The following PDZD2 variants were observed in gnomAD, a reference collection of about 807,000 sequenced individuals.
The protein encoded by PDZD2 is PDZ domain-containing protein 2.
PDZD2 carries 90 observed loss-of-function variants against 220.7 expected under a neutral mutation model. The ratio of observed to expected loss-of-function variants is 0.41; its 90% confidence interval spans 0.34 to 0.49. PDZD2 has a LOEUF of 0.49. PDZD2 is among the 20% of genes least tolerant of loss of function. The pLI, the probability that PDZD2 is intolerant of heterozygous loss-of-function variation, is 0.28. For synonymous variants in PDZD2, 1,375 were observed against 1,450.5 expected (o/e 0.95, Z 1.18); for missense variants, 3,174 against 3,608.5 (o/e 0.88, Z 3.08).
intron 1 of PDZD2, among the ~76,000 whole-genome samples, chr5:31,702,159 T>C (rs1391838178): frequency 6.6e-6 from 1 of 152,222 alleles, no homozygotes; most frequent in African/African-American, 2.4e-5. Flanking sequence ...GGCAGCACTC[T>C]TGGGAGTAGA....
Position 31,864,368 on chromosome 5 carries a change from C to T in PDZD2, c.476+64644C>T, listed in dbSNP as rs142234392. On this transcript the variant is annotated intron_variant, in intron 2 of 24. Transcript: ENST00000438447. ...CTCTGTAAACAGTCCCTGCCTAAAACAGTCTCCAGCGAAACCTTTTTTAGT... is the reference window on the plus strand; with the variant it reads ...CTCTGTAAACAGTCCCTGCCTAAAATAGTCTCCAGCGAAACCTTTTTTAGT... Among the ~76,000 whole-genome samples, 659 of 152,322 alleles carry T rather than the reference C, an allele frequency of 4.3e-3. 5 individuals are homozygous for T. The highest frequency in any genetic ancestry group is 0.015 in the African/African-American group (610 of 41,574).
At chr5:31,754,258 GCACCCC>G (rs1751179882) in intron 1 of PDZD2, 1 of 152,394 alleles carries the variant, frequency 6.6e-6, no homozygotes, top group East Asian at 1.9e-4. Flanking sequence ...AGGGACCTGT[GCACCCC>G]CACCCCATCC....
intron 7 of PDZD2, among the ~76,000 whole-genome samples, chr5:32,041,109 C>T (rs78063808): frequency 4.2e-5 from 6 of 142,178 alleles, no homozygotes; most frequent in Admixed American, 6.9e-5. Flanking sequence ...AAGCGGGGAG[C>T]GCCTCTGCCC....
At chr5:31,958,088 A>G (rs1271818752) in intron 2 of PDZD2, among the ~76,000 whole-genome samples, 2 of 152,154 alleles carry the variant, frequency 1.3e-5, no homozygotes, top group African/African-American at 4.8e-5. Context: ...CATAACACAT[A>G]GGTAATTTTT....
intron 1 of PDZD2, among the ~76,000 whole-genome samples, chr5:31,770,332 C>A (rs1229797776): frequency 1.3e-5 from 2 of 152,286 alleles, no homozygotes; most frequent in East Asian, 3.9e-4. Context: ...TGCCAGACAA[C>A]GGGAACTGAC....
chr5:31,847,944 T>TA (rs2150292093), intron 2 of PDZD2: 1 of 453,258 alleles, frequency 2.2e-6, no homozygotes, highest in Non-Finnish European at 4.3e-6. Context: ...TCTCAATACA[T>TA]AAAGAACAGC....
chr5:31,864,908 G>T (rs926916062), intron 2 of PDZD2, among the ~76,000 whole-genome samples: 1 of 144,680 alleles, frequency 6.9e-6, no homozygotes, highest in African/African-American at 2.6e-5. Context: ...GTGTGCAGTG[G>T]CGTAATCTCG....
At chr5:31,689,239 T>TTGTGTG (rs70955736) in intron 1 of PDZD2, among the ~76,000 whole-genome samples, 12,974 of 139,652 alleles carry the variant, frequency 0.093, 644 homozygotes, top group East Asian at 0.19. Context: ...TGGCTAATGT[T>TTGTGTG]TGTGTGTGTG....
intron 2 of PDZD2, among the ~76,000 whole-genome samples, chr5:31,838,909 C>A (rs1277614350): frequency 6.6e-6 from 1 of 152,160 alleles, no homozygotes; most frequent in African/African-American, 2.4e-5. Context: ...CATCTGAAGT[C>A]TCTCTAATGG....
intron 4 of PDZD2, 85 bp downstream of exon 4, chr5:31,995,803 C>T: frequency 8.0e-7 from 1 of 1,249,074 alleles, no homozygotes. Flanking sequence ...TGCTCTTCCA[C>T]TTGTTCAAAG....
At position 31,649,937 on chromosome 5, in the gene PDZD2, CAAAAAAAAA is replaced by C. The variant is rs6148975; in HGVS notation, c.-361+10519_-361+10527del. On this transcript the variant is annotated intron_variant, in intron 1 of 24. Transcript: ENST00000438447. ...TGGGCGACAGAGTGAGACTCCGTCTCAAAAAAAAAAAAAAAAAAAAAAAAAAATTAAGTC... is the reference window on the plus strand; with the variant it reads ...TGGGCGACAGAGTGAGACTCCGTCTCAAAAAAAAAAAAAAAAAATTAAGTC... Among the ~76,000 whole-genome samples, 613 of 73,498 alleles carry C rather than the reference CAAAAAAAAA, an allele frequency of 8.3e-3. 8 individuals are homozygous for C. Among genetic ancestry groups the C allele is most frequent in the Non-Finnish European group, 0.012 (494 of 41,544 alleles). 48.2% of individuals were successfully genotyped at this position (73,498 alleles called of 152,430 possible). A position where few individuals can be genotyped will look rare whatever the true frequency, so the allele number is the denominator to read the frequency against.
At chr5:31,752,790 A>G (rs746362261) in intron 1 of PDZD2, among the ~76,000 whole-genome samples, 4 of 151,960 alleles carry the variant, frequency 2.6e-5, no homozygotes, top group Non-Finnish European at 4.4e-5. Flanking sequence ...TTCAAATACT[A>G]TTTCTTAGAT....
At chr5:32,048,501 C>T in intron 7 of PDZD2, 38 bp from the exon 8 acceptor site, 2 of 1,578,368 alleles carry the variant, frequency 1.3e-6, no homozygotes, top group Non-Finnish European at 1.7e-6. Flanking sequence ...TTCTTTTTGT[C>T]CCATATCAAA....
intron 2 of PDZD2, among the ~76,000 whole-genome samples, chr5:31,939,721 C>T (rs1009734893): frequency 1.3e-5 from 2 of 152,216 alleles, no homozygotes; most frequent in Non-Finnish European, 2.9e-5. Context: ...GCCAACTCAT[C>T]TATACAATGT....
chr5:31,709,406 G>C (rs1344233211), intron 1 of PDZD2, among the ~76,000 whole-genome samples: 1 of 151,888 alleles, frequency 6.6e-6, no homozygotes, highest in Non-Finnish European at 1.5e-5. Flanking sequence ...AGGATAGTTT[G>C]AGCCCAGGAG....
intron 8 of PDZD2, 102 bp downstream of exon 8, chr5:32,048,786 G>A (rs1294720519): frequency 3.3e-6 from 4 of 1,209,920 alleles, no homozygotes; most frequent in Admixed American, 4.3e-5. Context: ...CTAGAGAAGT[G>A]GGATAGAGAG....
At chr5:32,035,260 AT>A (rs1348051858) in intron 6 of PDZD2, among the ~76,000 whole-genome samples, 84 of 146,534 alleles carry the variant, frequency 5.7e-4, no homozygotes, top group Middle Eastern at 3.6e-3. Context: ...TATGTATTGA[AT>A]TTTTTTTTTT....
At chr5:31,870,805 C>G (rs902097275) in intron 2 of PDZD2, among the ~76,000 whole-genome samples, 8 of 150,942 alleles carry the variant, frequency 5.3e-5, no homozygotes, top group Non-Finnish European at 1.0e-4. Context: ...AGGAGAATTG[C>G]TTGAACCCAG....
chr5:31,777,140 G>A (rs991057166), intron 1 of PDZD2, among the ~76,000 whole-genome samples: 10 of 152,270 alleles, frequency 6.6e-5, no homozygotes, highest in African/African-American at 9.6e-5. Flanking sequence ...GTGCACTGGC[G>A]CTCGCGGGGC....
Sources: allele counts gnomAD v4.1 joint callset (sites outside exome capture counted in the v4.1 genomes callset), GRCh38; gene constraint gnomAD v4.1.1; transcripts MANE v1.5; gene names NCBI Gene and HGNC (gene_info 2026-07-23, HGNC 2026-07-21).